The following SULF2 variants were observed in gnomAD, a reference collection of about 807,000 sequenced individuals.
SULF2 encodes sulfatase 2, also known as extracellular sulfatase Sulf-2.
A neutral mutation model predicts 107.7 loss-of-function variants in SULF2; 52 were observed. That is an observed-to-expected ratio of 0.48 (90% CI 0.39 to 0.61). The LOEUF (loss-of-function observed/expected upper bound fraction) is 0.61, where lower values mean the gene tolerates loss of function less well. SULF2 is among the 20% of genes least tolerant of loss of function. The probability of loss-of-function intolerance (pLI) is 0.00; values close to 1 mark genes in which losing one functional copy is unlikely to be tolerated. For synonymous variants in SULF2, 460 were observed against 464.3 expected (o/e 0.99, Z 0.12); for missense variants, 993 against 1,177.3 (o/e 0.84, Z 2.29).
At chr20:47,723,136 T>A (rs1304829833) in intron 3 of SULF2, among the ~76,000 whole-genome samples, 2 of 151,676 alleles carry the variant, frequency 1.3e-5, no homozygotes, top group Non-Finnish European at 2.9e-5. Context: ...TCCAGCTACT[T>A]GGGAAGCAGA....
chr20:47,746,973 T>C (rs2090049340), intron 2 of SULF2, among the ~76,000 whole-genome samples: 1 of 60,622 alleles, frequency 1.6e-5, no homozygotes, highest in Admixed American at 2.3e-4. Flanking sequence ...ACCCTAGAAC[T>C]TAAATAAATA....
At chr20:47,670,721 G>T (rs1406426841) in intron 11 of SULF2, among the ~76,000 whole-genome samples, 1 of 147,450 alleles carries the variant, frequency 6.8e-6, no homozygotes, top group Non-Finnish European at 1.5e-5. Flanking sequence ...GTGGGAGCGG[G>T]GTGGGAGAAT....
intron 4 of SULF2, among the ~76,000 whole-genome samples, chr20:47,692,919 G>A (rs1269199868): frequency 6.6e-6 from 1 of 152,218 alleles, no homozygotes; most frequent in African/African-American, 2.4e-5. Context: ...GGAAGGGAAG[G>A]TGAAGAGGAG....
chr20:47,725,991 G>A (rs550735818), intron 3 of SULF2, among the ~76,000 whole-genome samples: 19 of 152,148 alleles, frequency 1.2e-4, no homozygotes, highest in Admixed American at 2.6e-4. Flanking sequence ...ACCCTGACCC[G>A]AGACCCAGGA....
At position 47,710,547 on chromosome 20, in the gene SULF2, C is replaced by G. The variant is rs2088893437; in HGVS notation, c.416-7877G>C. On this transcript the variant is annotated intron_variant, in intron 3 of 20. Coordinates refer to ENST00000688720, the MANE Select transcript of SULF2 (RefSeq NM_001387048.1). ...GCACTCCATGATGTTCGCACAATGA[C>G]AGAATCACCTAACGACACGTTTCTC... 3.3e-5 allele frequency among the ~76,000 whole-genome samples: 5 copies of G among 151,920 alleles called. No individual in the cohort carries two copies. The South Asian group carries it at 1.0e-3, about 31-fold the overall frequency.
chr20:47,664,723 A>G (rs981595509), intron 14 of SULF2, among the ~76,000 whole-genome samples: 1 of 152,258 alleles, frequency 6.6e-6, no homozygotes, highest in South Asian at 2.1e-4. Flanking sequence ...AGCAAAATAA[A>G]AAATTTGGCT....
At chr20:47,773,221 A>C (rs1420509643) in intron 1 of SULF2, among the ~76,000 whole-genome samples, 2 of 152,318 alleles carry the variant, frequency 1.3e-5, no homozygotes, top group East Asian at 3.9e-4. Flanking sequence ...CTCTGTCCTC[A>C]TGGAGCTGTG....
At chr20:47,682,882 C>T in intron 7 of SULF2, 112 bp downstream of exon 7, 1 of 1,082,718 alleles carries the variant, frequency 9.2e-7, no homozygotes, top group Non-Finnish European at 1.3e-6. Context: ...CCCTGGGGTA[C>T]ATCTGCGAAA....
chr20:47,760,392 T>A (rs142693924), intron 1 of SULF2, among the ~76,000 whole-genome samples: 465 of 151,956 alleles, frequency 3.1e-3, no homozygotes, highest in African/African-American at 0.011. Flanking sequence ...CGTGTCTGTG[T>A]GTGTGGATGC....
chr20:47,657,415 A>AGAAG lies in SULF2; in HGVS notation c.*946_*947insCTTC, dbSNP rs34633114. The AGAAG allele has an allele frequency of 6.6e-6, 1 of 152,082 alleles. No individual in the cohort carries two copies. The highest frequency in any genetic ancestry group is 1.5e-5 in the Non-Finnish European group (1 of 67,992). The allele number at this position is 152,082 out of a possible 1,614,324, so 9.4% of individuals were successfully genotyped here. A position where few individuals can be genotyped will look rare whatever the true frequency, so the allele number is the denominator to read the frequency against. ...AGACACACCAAAAAACTCCCAAGAAATGGCCTTTTACAAAATGTCAAAGGT... is the reference window on the plus strand; with the variant it reads ...AGACACACCAAAAAACTCCCAAGAAAGAAGTGGCCTTTTACAAAATGTCAAAGGT... On this transcript the variant is annotated 3_prime_UTR_variant, in exon 21 of 21. Transcript: ENST00000688720.
intron 1 of SULF2, among the ~76,000 whole-genome samples, chr20:47,777,458 A>C (rs1057104424): frequency 4.6e-5 from 7 of 152,188 alleles, no homozygotes; most frequent in African/African-American, 1.7e-4. Flanking sequence ...AAGGCCAAAG[A>C]CATGATGAGG....
At chr20:47,781,581 C>T (rs555487490) in intron 1 of SULF2, among the ~76,000 whole-genome samples, 26 of 152,224 alleles carry the variant, frequency 1.7e-4, no homozygotes, top group African/African-American at 5.8e-4. Context: ...GGGGATGAGA[C>T]CCCTCTGCTC....
intron 4 of SULF2, among the ~76,000 whole-genome samples, chr20:47,700,743 T>A (rs2088538522): frequency 6.6e-6 from 1 of 151,330 alleles, no homozygotes; most frequent in South Asian, 2.1e-4. Context: ...CCTCCCGGGT[T>A]CACACCATTC....
In SULF2 at chr20:47,680,310, C is replaced by T. The variant is rs1484359915; in HGVS notation, c.1065-1506G>A. On this transcript the variant is annotated intron_variant, in intron 7 of 20. Transcript: ENST00000688720. This position sits in a 1 kb window ranked among gnomAD's most constrained non-coding sequence, Gnocchi z 4.2. ...TAGAGGTGGGGTTTCACCATGTTGG[C>T]CAGGCTACTCTTGAACTCCTGACCT... Among the ~76,000 whole-genome samples, 1 of 152,170 alleles carries T rather than the reference C, an allele frequency of 6.6e-6. No homozygotes were observed. Among genetic ancestry groups the T allele is most frequent in the Non-Finnish European group, 1.5e-5 (1 of 68,028 alleles).
chr20:47,737,277 T>C (rs1013197104), intron 2 of SULF2, among the ~76,000 whole-genome samples: 1 of 151,584 alleles, frequency 6.6e-6, no homozygotes, highest in Non-Finnish European at 1.5e-5. Flanking sequence ...AAAAACCTGT[T>C]TATAAATGAC....
At chr20:47,759,172 G>A (rs1438662617) in intron 1 of SULF2, among the ~76,000 whole-genome samples, 10 of 152,144 alleles carry the variant, frequency 6.6e-5, no homozygotes, top group Non-Finnish European at 7.4e-5. Flanking sequence ...CCAGGCACTC[G>A]CCTCACCTTA....
intron 3 of SULF2, among the ~76,000 whole-genome samples, chr20:47,707,323 T>G (rs1371777838): frequency 6.6e-6 from 1 of 152,026 alleles, no homozygotes; most frequent in Non-Finnish European, 1.5e-5. Context: ...TTTTCTCCAT[T>G]TTCCCCGTGC....
chr20:47,677,211 C>T (rs776683418), intron 8 of SULF2, 77 bp from the exon 9 acceptor site: 28 of 1,517,334 alleles, frequency 1.8e-5, no homozygotes, highest in Admixed American at 5.2e-5. Context: ...GGAGCAGGGA[C>T]GGCACCAGGA....
chr20:47,745,397 AAAAAAAAAAAAAAATATATATATAT>A (rs2089992512), intron 2 of SULF2, among the ~76,000 whole-genome samples: 7 of 33,850 alleles, frequency 2.1e-4, no homozygotes, highest in African/African-American at 1.8e-3. Context: ...AAAAAAAAAA[AAAAAAAAAAAAAAATATATATATAT>A]ATATATATAT....
Sources: gnomAD v4.1 joint callset for allele counts (sites outside exome capture counted in the v4.1 genomes callset) on GRCh38, gnomAD v4.1.1 for gene constraint, Gnocchi (gnomAD v3.1) non-coding constraint, MANE v1.5 for transcripts, NCBI Gene and HGNC (gene_info 2026-07-23, HGNC 2026-07-21) for gene names.